ARHGEF3: variants seen among roughly 807,000 people sequenced by gnomAD.
ARHGEF3 encodes Rho guanine nucleotide exchange factor 3.
Under a neutral mutation model 63.2 loss-of-function variants are expected in ARHGEF3, and 28 were observed. That is an observed-to-expected ratio of 0.44 (90% CI 0.33 to 0.61). ARHGEF3 has a LOEUF of 0.61. ARHGEF3 is among the 20% of genes least tolerant of loss of function. ARHGEF3 has a pLI of 0.03. For missense variants in ARHGEF3, 533 were observed against 659.3 expected (o/e 0.81, Z 2.10); for synonymous variants, 266 against 254.2 (o/e 1.05, Z -0.44).
chr3:56,886,539 A>C (rs2040931279), intron 3 of ARHGEF3, among the ~76,000 whole-genome samples: 1 of 152,254 alleles, frequency 6.6e-6, no homozygotes, highest in Admixed American at 6.5e-5. Flanking sequence ...AGAAATCACC[A>C]GTTGGAAATA....
At chr3:57,005,581 T>C (rs1702435669) in intron 2 of ARHGEF3, among the ~76,000 whole-genome samples, 1 of 152,202 alleles carries the variant, frequency 6.6e-6, no homozygotes, top group African/African-American at 2.4e-5. Context: ...AGCATTTCAG[T>C]TGCTGTGACA....
At chr3:56,920,412 G>A (rs1055454542) in intron 3 of ARHGEF3, among the ~76,000 whole-genome samples, 3 of 152,098 alleles carry the variant, frequency 2.0e-5, no homozygotes, top group Admixed American at 1.3e-4. Context: ...GTTCTTGTTC[G>A]ATATATCTGA....
At chr3:56,765,596 C>T (rs545112384) in intron 2 of ARHGEF3, among the ~76,000 whole-genome samples, 2 of 152,116 alleles carry the variant, frequency 1.3e-5, no homozygotes, top group Non-Finnish European at 2.9e-5. Flanking sequence ...CTTATTATTT[C>T]TTATATCTAG....
At chr3:57,051,479 C>T (rs1259917089) in intron 1 of ARHGEF3, among the ~76,000 whole-genome samples, 1 of 151,966 alleles carries the variant, frequency 6.6e-6, no homozygotes, top group Non-Finnish European at 1.5e-5. Flanking sequence ...AAGAGTGAAA[C>T]TCCACCTCAA....
chr3:56,828,820 C>T (rs1374694204), intron 4 of ARHGEF3, among the ~76,000 whole-genome samples: 1 of 152,088 alleles, frequency 6.6e-6, no homozygotes, highest in African/African-American at 2.4e-5. Context: ...ACTGGTCTTC[C>T]TTTTTGTTAC....
chr3:57,052,605 C>T (rs1174141419), intron 1 of ARHGEF3, among the ~76,000 whole-genome samples: 1 of 152,102 alleles, frequency 6.6e-6, no homozygotes, highest in Non-Finnish European at 1.5e-5. Flanking sequence ...CCAGAGCCTA[C>T]ATTCTTAACC....
At chr3:56,878,830 A>G (rs1392089790) in intron 4 of ARHGEF3, among the ~76,000 whole-genome samples, 1 of 152,260 alleles carries the variant, frequency 6.6e-6, no homozygotes, top group East Asian at 1.9e-4. Context: ...CAGGCTGCAC[A>G]GTAACAGGTG....
In ARHGEF3 at chr3:56,773,721, A is replaced by C; in HGVS notation, c.192T>G (p.Ser64Arg). 5.0e-6 allele frequency: 8 copies of C among 1,586,110 alleles called. No individual in the cohort carries two copies. Among genetic ancestry groups the C allele is most frequent in the Middle Eastern group, 1.7e-4 (1 of 5,954 alleles). Residue 64 changes from serine to arginine, a missense_variant, in exon 2 of 10, where the codon AGT becomes AGG. Physicochemically the swap from Ser to Arg is moderately radical, Grantham distance 110 (BLOSUM62 -1). Transcript: ENST00000296315. ...PVKATPLKRF[S>R]QTLQRSISFR... ...GTGCCCTTCTTACCTGCAGGGTTTGACTGAAGCGCTTTAATGGCGTGGCCT... is the reference window on the plus strand; with the variant it reads ...GTGCCCTTCTTACCTGCAGGGTTTGCCTGAAGCGCTTTAATGGCGTGGCCT...
chr3:56,936,965 C>A (rs530863015), intron 3 of ARHGEF3, among the ~76,000 whole-genome samples: 1 of 152,202 alleles, frequency 6.6e-6, no homozygotes, highest in African/African-American at 2.4e-5. Context: ...GCAATCCACC[C>A]GCCTTGACCT....
intron 1 of ARHGEF3, among the ~76,000 whole-genome samples, chr3:57,063,315 T>C (rs1170459225): frequency 3.9e-5 from 6 of 152,096 alleles, no homozygotes; most frequent in Non-Finnish European, 2.9e-5. Context: ...TTTGGCTTTG[T>C]TGCAGTGAAA....
intron 3 of ARHGEF3, among the ~76,000 whole-genome samples, chr3:56,903,699 A>C (rs1264667501): frequency 6.6e-6 from 1 of 152,146 alleles, no homozygotes; most frequent in East Asian, 1.9e-4. Flanking sequence ...AGTTTATTTC[A>C]ATCCAACCAG....
intron 3 of ARHGEF3, among the ~76,000 whole-genome samples, chr3:56,888,668 C>T (rs190359232): frequency 6.6e-6 from 1 of 152,190 alleles, no homozygotes; most frequent in Admixed American, 6.5e-5. Context: ...ATTGGGAGGC[C>T]GAGGCAGTTG....
chr3:57,014,183 C>T (rs149402698), intron 2 of ARHGEF3, among the ~76,000 whole-genome samples: 2,337 of 152,198 alleles, frequency 0.015, 78 homozygotes, highest in African/African-American at 0.054. Flanking sequence ...AGCAAGACCA[C>T]GAACCCACCA....
intron 6 of ARHGEF3, among the ~76,000 whole-genome samples, chr3:56,746,661 C>T (rs1184858242): frequency 6.6e-6 from 1 of 151,728 alleles, no homozygotes; most frequent in Non-Finnish European, 1.5e-5. Context: ...ACCCGGGAGG[C>T]AGAGGTTGCA....
At chr3:56,900,498 G>T (rs1422199970) in intron 3 of ARHGEF3, among the ~76,000 whole-genome samples, 1 of 151,930 alleles carries the variant, frequency 6.6e-6, no homozygotes, top group Non-Finnish European at 1.5e-5. Context: ...AGGCATGGTG[G>T]CACGCACTGT....
chr3:56,914,305 T>C (rs905187969), intron 3 of ARHGEF3, among the ~76,000 whole-genome samples: 3 of 152,196 alleles, frequency 2.0e-5, no homozygotes, highest in Admixed American at 1.3e-4. Context: ...TCTTAAGAGA[T>C]ATTTGTACAT....
At chr3:56,783,314 G>A (rs1437686473) in intron 1 of ARHGEF3, among the ~76,000 whole-genome samples, 1 of 152,162 alleles carries the variant, frequency 6.6e-6, no homozygotes, top group East Asian at 1.9e-4. Context: ...GCTCTCTAGT[G>A]TTTGTAATAA....
chr3:56,767,829 C>T (rs1285713407), intron 2 of ARHGEF3, among the ~76,000 whole-genome samples: 1 of 151,806 alleles, frequency 6.6e-6, no homozygotes, highest in Non-Finnish European at 1.5e-5. Context: ...TCACTGCAAC[C>T]TCCACCTCCT....
chr3:56,887,998 A>T (rs2040979388), intron 3 of ARHGEF3, among the ~76,000 whole-genome samples: 1 of 152,120 alleles, frequency 6.6e-6, no homozygotes, highest in South Asian at 2.1e-4. Flanking sequence ...TAAATCAAAA[A>T]CCTCAAAAGT....
Sources: allele counts gnomAD v4.1 joint callset (sites outside exome capture counted in the v4.1 genomes callset), GRCh38; gene constraint gnomAD v4.1.1; transcripts MANE v1.5; gene names NCBI Gene and HGNC (gene_info 2026-07-23, HGNC 2026-07-21).